CA10: variants seen among roughly 807,000 people sequenced by gnomAD.
The protein encoded by CA10 is carbonic anhydrase-related protein 10.
CA10 carries 14 observed loss-of-function variants against 44.2 expected under a neutral mutation model. The observed-to-expected ratio is 0.32, with a 90% CI of 0.21 to 0.50. The LOEUF (loss-of-function observed/expected upper bound fraction) is 0.50. Ranked by LOEUF, CA10 falls within the 20% of genes least tolerant of loss-of-function variation. The pLI is 0.99. For synonymous variants in CA10, 159 were observed against 141.6 expected, an observed-to-expected ratio of 1.12 and a Z score of -0.87; for missense variants, 350 against 409.7, an observed-to-expected ratio of 0.85 and a Z score of 1.26.
rs1983461529 is a variant in CA10, at chr17:51,950,982, T to C, written c.137-19850A>G. Among the ~76,000 whole-genome samples the C allele has an allele frequency of 2.0e-5, 3 of 152,110 alleles. No individual in the cohort carries two copies. The South Asian group carries it at 6.2e-4, about 32-fold the overall frequency. On this transcript the variant is annotated intron_variant, in intron 2 of 8. Coordinates refer to ENST00000451037, the MANE Select transcript of CA10 (RefSeq NM_020178.5). Reference sequence around the variant, plus strand: ...AGATGAATAATATTTTCCTCCTAGGTCCCAATGGATTGTCTTGCACATTCC... The same window carrying C: ...AGATGAATAATATTTTCCTCCTAGGCCCCAATGGATTGTCTTGCACATTCC...
At chr17:51,869,077 CT>C (rs1364708199) in intron 3 of CA10, among the ~76,000 whole-genome samples, 1 of 151,812 alleles carries the variant, frequency 6.6e-6, no homozygotes, top group Non-Finnish European at 1.5e-5. Context: ...GATTTTGATG[CT>C]CATAATAATT....
chr17:52,118,776 A>C (rs1988951621), intron 1 of CA10, among the ~76,000 whole-genome samples: 1 of 152,186 alleles, frequency 6.6e-6, no homozygotes, highest in South Asian at 2.1e-4. Flanking sequence ...GAGATAACCA[A>C]ATTTCTTTGT....
chr17:51,812,723 C>A (rs1907418225), intron 3 of CA10, among the ~76,000 whole-genome samples: 1 of 152,212 alleles, frequency 6.6e-6, no homozygotes, highest in African/African-American at 2.4e-5. Context: ...GGAGTCCTAT[C>A]TTTGGGCACT....
In CA10 at chr17:51,979,677, C is replaced by A. The variant is rs991541296; in HGVS notation, c.137-48545G>T. Among the ~76,000 whole-genome samples, 7 of 152,150 alleles carry A rather than the reference C, an allele frequency of 4.6e-5. 1 individual carries two copies. On this transcript the variant is annotated intron_variant, in intron 2 of 8. Transcript: ENST00000451037. ...TGTCTAGAATACCCCTTCTCTGTCTCCTGAGTTCAATAATATATTCTACTT... is the reference window on the plus strand; with the variant it reads ...TGTCTAGAATACCCCTTCTCTGTCTACTGAGTTCAATAATATATTCTACTT...
chr17:52,037,936 T>C (rs758556954), intron 2 of CA10, among the ~76,000 whole-genome samples: 4 of 151,998 alleles, frequency 2.6e-5, no homozygotes, highest in Non-Finnish European at 4.4e-5. Context: ...CAAAACTCTT[T>C]ATAGCATTTT....
At chr17:51,782,037 A>G (rs951424964) in intron 3 of CA10, among the ~76,000 whole-genome samples, 4 of 152,224 alleles carry the variant, frequency 2.6e-5, no homozygotes, top group African/African-American at 9.6e-5. Context: ...CCGATGTTCT[A>G]ATTCATTCCA....
At chr17:51,916,437 G>A (rs562485873) in intron 3 of CA10, among the ~76,000 whole-genome samples, 2 of 152,288 alleles carry the variant, frequency 1.3e-5, no homozygotes, top group Admixed American at 6.5e-5. Flanking sequence ...GTCATGAGAC[G>A]GATCTGGTGG....
chr17:52,036,916 G>C (rs1456925761), intron 2 of CA10, among the ~76,000 whole-genome samples: 1 of 152,270 alleles, frequency 6.6e-6, no homozygotes, highest in East Asian at 1.9e-4. Context: ...TGCAGGTGGA[G>C]CTACTGAGGC....
intron 2 of CA10, among the ~76,000 whole-genome samples, chr17:52,012,045 C>T (rs1041227220): frequency 2.0e-5 from 3 of 151,916 alleles, no homozygotes. Context: ...CCACCTGGGA[C>T]CCCAATATGC....
rs16950928 is a variant in CA10 at position 52,028,838 on chromosome 17, G to A, written c.136+43481C>T. ...GTGCCCACAAAGCTTCTGCTGTGAC[G>A]ATAGGACTTTTAGGGCCATGAAGAA... On this transcript the variant is annotated intron_variant, in intron 2 of 8. Coordinates refer to ENST00000451037, the MANE Select transcript of CA10 (RefSeq NM_020178.5). 5.7e-3 allele frequency among the ~76,000 whole-genome samples: 862 copies of A among 152,302 alleles called. 3 individuals carry two copies. Among genetic ancestry groups the A allele is most frequent in the African/African-American group, 0.02 (811 of 41,568 alleles).
intron 3 of CA10, among the ~76,000 whole-genome samples, chr17:51,855,346 C>T (rs1056603511): frequency 6.6e-6 from 1 of 152,080 alleles, no homozygotes; most frequent in African/African-American, 2.4e-5. Flanking sequence ...TTAAAACTCA[C>T]AATAGCAAGA....
intron 3 of CA10, among the ~76,000 whole-genome samples, chr17:51,754,400 GATATATATATATATATATATATAT>G (rs56145404): frequency 0.077 from 5,642 of 73,106 alleles, 259 homozygotes; most frequent in African/African-American, 0.098. Flanking sequence ...GTGTGTGTGT[GATATATATATATATATATATATAT>G]ATATATATAT....
intron 3 of CA10, among the ~76,000 whole-genome samples, chr17:51,773,262 T>C (rs1164852384): frequency 6.6e-6 from 1 of 152,230 alleles, no homozygotes; most frequent in Admixed American, 6.5e-5. Context: ...ACCCTGGTTA[T>C]AGAGGACTGA....
intron 3 of CA10, among the ~76,000 whole-genome samples, chr17:51,891,922 C>T (rs1469175170): frequency 6.6e-6 from 1 of 152,198 alleles, no homozygotes; most frequent in East Asian, 1.9e-4. Flanking sequence ...TGTATCATGC[C>T]ATCCCTACCT....
chr17:51,701,770 T>C (rs950600776), intron 4 of CA10, among the ~76,000 whole-genome samples: 13 of 152,242 alleles, frequency 8.5e-5, no homozygotes, highest in African/African-American at 3.1e-4. Flanking sequence ...TTAGACATTC[T>C]ATCAAACTTT....
At chr17:51,773,588 G>A (rs527580246) in intron 3 of CA10, among the ~76,000 whole-genome samples, 1 of 152,346 alleles carries the variant, frequency 6.6e-6, no homozygotes, top group East Asian at 1.9e-4. Context: ...TATAATCAGT[G>A]TGACCACGGG....
chr17:51,670,048 C>A (rs766980802), intron 4 of CA10, among the ~76,000 whole-genome samples: 1 of 152,166 alleles, frequency 6.6e-6, no homozygotes, highest in African/African-American at 2.4e-5. Context: ...GGTTCTCATG[C>A]CAGCTGCCAT....
At chr17:51,653,095 C>G (rs1480880840) in intron 5 of CA10, among the ~76,000 whole-genome samples, 1 of 151,900 alleles carries the variant, frequency 6.6e-6, no homozygotes, top group Admixed American at 6.6e-5. Flanking sequence ...CTCAAAATGT[C>G]ATAAAGTCAG....
In CA10 at chr17:52,146,463, G is replaced by A. The variant is rs1285388568; in HGVS notation, c.61+11263C>T. Among the ~76,000 whole-genome samples, 7 of 151,986 alleles carry A rather than the reference G, an allele frequency of 4.6e-5. No homozygotes were observed. The East Asian group carries it at 1.4e-3, about 29-fold the overall frequency. ...CCCAGCACTTTGGGAGGCTGAGGCG[G>A]GCGGATCATGAGGTCAGGAGATAGA... On this transcript the variant is annotated intron_variant, in intron 1 of 8. Transcript: ENST00000451037.
Sources: gnomAD v4.1 joint callset for allele counts (sites outside exome capture counted in the v4.1 genomes callset) on GRCh38, gnomAD v4.1.1 for gene constraint, MANE v1.5 for transcripts, NCBI Gene and HGNC (gene_info 2026-07-23, HGNC 2026-07-21) for gene names.